Variants in FAR2 observed in about 807,000 individuals in gnomAD.
The protein encoded by FAR2 is epididymis secretory protein Li 81.
A neutral mutation model predicts 56.0 loss-of-function variants in FAR2; 19 were observed. The observed-to-expected ratio is 0.34, with a 90% CI of 0.24 to 0.50. FAR2 has a LOEUF of 0.50. FAR2 is among the 20% of genes least tolerant of loss of function. The pLI is 0.98. For synonymous variants in FAR2, 219 were observed against 218.8 expected, an observed-to-expected ratio of 1.00 and a Z score of -0.01; for missense variants, 508 against 642.2, an observed-to-expected ratio of 0.79 and a Z score of 2.26.
chr12:29,279,926 T>G (rs1054672251), intron 2 of FAR2, among the ~76,000 whole-genome samples: 161 of 122,822 alleles, frequency 1.3e-3, no homozygotes, highest in African/African-American at 4.9e-3. Flanking sequence ...TTGTGCAATA[T>G]AATTTTTTTT....
At chr12:29,310,947 A>T in intron 6 of FAR2, 81 bp from the exon 7 acceptor site, 1 of 1,011,680 alleles carries the variant, frequency 9.9e-7, no homozygotes, top group Non-Finnish European at 1.6e-6. Context: ...GCACTAGTAT[A>T]ACCAGTTTGA....
chr12:29,235,019 T>C (rs56224606), intron 1 of FAR2, among the ~76,000 whole-genome samples: 3,063 of 152,322 alleles, frequency 0.02, 95 homozygotes, highest in African/African-American at 0.069. Flanking sequence ...ACAACACTTA[T>C]GTATGTTTAC....
At chr12:29,216,519 C>A (rs753235396) in intron 1 of FAR2, among the ~76,000 whole-genome samples, 1 of 152,138 alleles carries the variant, frequency 6.6e-6, no homozygotes, top group Non-Finnish European at 1.5e-5. Context: ...CATTTTAAGC[C>A]TGATTCAGAA....
Position 29,317,009 on chromosome 12 carries a change from C to G in FAR2, c.1124C>G (p.Pro375Arg). The G allele has an allele frequency of 6.2e-7, 1 of 1,611,816 alleles. No homozygotes were observed. ...TATCTGCGGCTCACTGGAAGGAAGC[C>G]CAGGTGAGAAGCTGAGTCAATGGCT... is the stretch of plus-strand genomic sequence containing the variant. Reference protein sequence around the residue: ...DCYLRLTGRKPRMTKLMNRLL... With the variant: ...DCYLRLTGRKRRMTKLMNRLL... The change falls in exon 9 of 12, where the codon CCC (proline) becomes CGC (arginine). Residue 375 changes from proline (P) to arginine (R), a missense_variant. Pro to Arg is a moderately radical substitution (Grantham distance 103, BLOSUM62 -2). Transcript: ENST00000536681.
At chr12:29,287,180 A>G (rs1210154874) in intron 2 of FAR2, among the ~76,000 whole-genome samples, 1 of 152,220 alleles carries the variant, frequency 6.6e-6, no homozygotes, top group Non-Finnish European at 1.5e-5. Context: ...TAACTGTTGA[A>G]TGAGAATCTT....
chr12:29,238,749 A>T (rs1187080572), intron 1 of FAR2, among the ~76,000 whole-genome samples: 1 of 152,180 alleles, frequency 6.6e-6, no homozygotes, highest in Non-Finnish European at 1.5e-5. Flanking sequence ...TATTTCAACC[A>T]AGGAACTTTT....
At chr12:29,183,604 G>A (rs1950011806) in intron 1 of FAR2, among the ~76,000 whole-genome samples, 1 of 152,096 alleles carries the variant, frequency 6.6e-6, no homozygotes, top group Non-Finnish European at 1.5e-5. Flanking sequence ...CTTTCTAAAT[G>A]CATCTGGAAT....
rs765390613 is a variant in FAR2 at position 29,309,266 on chromosome 12, G to A, written c.768+36G>A. On this transcript the variant is annotated intron_variant, in intron 6 of 11. Transcript: ENST00000536681. The stretch of plus-strand genomic sequence containing the variant: ...TGATGAAGAAATAACTCCCTGAAAT[G>A]TAGTAGAGAAATAGTAACAAAATTC... The A allele has an allele frequency of 1.4e-5, 21 of 1,505,662 alleles. No homozygotes were observed. The Admixed American group carries it at 3.5e-4, about 25-fold the overall frequency. The allele number at this position is 1,505,662 out of a possible 1,614,324, so 93.3% of individuals were successfully genotyped here.
chr12:29,218,201 CA>C (rs112093077), intron 1 of FAR2, among the ~76,000 whole-genome samples: 36 of 151,536 alleles, frequency 2.4e-4, no homozygotes, highest in Admixed American at 6.6e-4. Context: ...CTAAAAAATA[CA>C]AAAAAAATTA....
chr12:29,213,488 G>A (rs1302203971), intron 1 of FAR2, among the ~76,000 whole-genome samples: 2 of 152,040 alleles, frequency 1.3e-5, no homozygotes, highest in African/African-American at 2.4e-5. Context: ...CCAGGAATTT[G>A]AGACCAGCCT....
intron 3 of FAR2, among the ~76,000 whole-genome samples, chr12:29,295,653 T>G (rs1005768975): frequency 1.3e-5 from 2 of 152,080 alleles, no homozygotes; most frequent in African/African-American, 4.8e-5. Context: ...ATATATTCAT[T>G]TATGATGAAT....
chr12:29,253,333 A>ATATC (rs1394343611), intron 1 of FAR2, among the ~76,000 whole-genome samples: 1 of 150,956 alleles, frequency 6.6e-6, no homozygotes, highest in Non-Finnish European at 1.5e-5. Context: ...ATCTAGATAG[A>ATATC]TATCTATATA....
chr12:29,262,241 T>C (rs1276012861), intron 1 of FAR2, among the ~76,000 whole-genome samples: 1 of 152,096 alleles, frequency 6.6e-6, no homozygotes, highest in East Asian at 1.9e-4. Flanking sequence ...TGTTAAGTTG[T>C]CATGGGTTTA....
chr12:29,222,286 C>T (rs1220934527), intron 1 of FAR2, among the ~76,000 whole-genome samples: 1 of 152,178 alleles, frequency 6.6e-6, no homozygotes, highest in Non-Finnish European at 1.5e-5. Flanking sequence ...ACTAATGTTT[C>T]AATCATAGTG....
rs369935258 is a variant in FAR2, at chr12:29,225,919, GA to G, written c.-38-44490del. ...CTTTACCCTAGAGAATACTTAGCCA[GA>G]AATATCTTACTAGTTTCTTACAGGA... On this transcript the variant is annotated intron_variant, in intron 1 of 11. Transcript: ENST00000536681. Among the ~76,000 whole-genome samples the G allele has an allele frequency of 1.6e-3, 250 of 152,334 alleles. 2 individuals are homozygous for G. Among genetic ancestry groups the G allele is most frequent in the African/African-American group, 5.7e-3 (238 of 41,584 alleles).
Position 29,281,959 on chromosome 12 carries a change from C to A in FAR2, c.189+11321C>A. 2.0e-5 allele frequency among the ~76,000 whole-genome samples: 3 copies of A among 152,258 alleles called. No homozygotes were observed. In the South Asian group the frequency reaches 6.2e-4, roughly 32 times the overall value. On this transcript the variant is annotated intron_variant, in intron 2 of 11. Coordinates refer to ENST00000536681, the MANE Select transcript of FAR2 (RefSeq NM_001271783.2). ...TGCAGTGTTTGCCAAATCTAAAACTCTTTCACCCTCACTGAGTCTTAAATT... is the reference window on the plus strand; with the variant it reads ...TGCAGTGTTTGCCAAATCTAAAACTATTTCACCCTCACTGAGTCTTAAATT...
At chr12:29,288,278 A>T (rs1948906838) in intron 2 of FAR2, among the ~76,000 whole-genome samples, 1 of 152,158 alleles carries the variant, frequency 6.6e-6, no homozygotes. Context: ...ATCAACAGCA[A>T]TCCCTCTGCT....
At chr12:29,222,863 A>T (rs564702593) in intron 1 of FAR2, among the ~76,000 whole-genome samples, 5 of 152,336 alleles carry the variant, frequency 3.3e-5, no homozygotes, top group African/African-American at 1.2e-4. Flanking sequence ...AATAAGCTCC[A>T]TCATTACTCA....
At chr12:29,185,739 G>A (rs1950034991) in intron 1 of FAR2, among the ~76,000 whole-genome samples, 1 of 152,132 alleles carries the variant, frequency 6.6e-6, no homozygotes, top group Non-Finnish European at 1.5e-5. Flanking sequence ...TTGGTAACAC[G>A]AGAAGAGTGT....
Sources: allele counts gnomAD v4.1 joint callset (sites outside exome capture counted in the v4.1 genomes callset), GRCh38; gene constraint gnomAD v4.1.1; transcripts MANE v1.5; gene names NCBI Gene and HGNC (gene_info 2026-07-23, HGNC 2026-07-21).